Variants in TESC observed in about 807,000 individuals in gnomAD.
TESC encodes calcineurin B homologous protein 3.
Under a neutral mutation model 31.0 loss-of-function variants are expected in TESC, and 19 were observed. The ratio of observed to expected loss-of-function variants is 0.61; its 90% CI spans 0.43 to 0.90. TESC has a LOEUF of 0.90. Ranked by LOEUF, TESC falls within the 40% of genes least tolerant of loss-of-function variation. TESC has a pLI of 0.00. For missense variants in TESC, 248 were observed against 303.8 expected (o/e 0.82, Z 1.36); for synonymous variants, 109 against 114.8 (o/e 0.95, Z 0.32).
At chr12:117,042,276 T>TCCCTC (rs1385832409) in intron 6 of TESC, among the ~76,000 whole-genome samples, 8 of 151,684 alleles carry the variant, frequency 5.3e-5, no homozygotes, top group Non-Finnish European at 1.2e-4. Flanking sequence ...CAGAGCAGCC[T>TCCCTC]CCCTCCCCTC....
chr12:117,083,563 A>T (rs7316090), intron 1 of TESC, among the ~76,000 whole-genome samples: 22,802 of 152,294 alleles, frequency 0.15, 1,863 homozygotes, highest in Middle Eastern at 0.21. Flanking sequence ...CAGCAAAAAA[A>T]GAAATGAAGC....
intron 1 of TESC, among the ~76,000 whole-genome samples, chr12:117,080,411 TGA>T (rs992435610): frequency 6.6e-6 from 1 of 152,060 alleles, no homozygotes; most frequent in African/African-American, 2.4e-5. Flanking sequence ...GAGGTTGCAG[TGA>T]GCCCAGATCG....
intron 2 of TESC, among the ~76,000 whole-genome samples, chr12:117,071,366 G>C (rs1439103683): frequency 1.3e-5 from 2 of 152,242 alleles, no homozygotes; most frequent in Non-Finnish European, 2.9e-5. Context: ...CTGCTGGGGT[G>C]AGGGGATGTG....
chr12:117,095,129 C>T (rs1312232320), intron 1 of TESC, among the ~76,000 whole-genome samples: 1 of 151,904 alleles, frequency 6.6e-6, no homozygotes, highest in Non-Finnish European at 1.5e-5. Flanking sequence ...GGCTGGAGTA[C>T]AGTGGCATGC....
At chr12:117,083,250 T>C (rs1955172928) in intron 1 of TESC, among the ~76,000 whole-genome samples, 1 of 152,212 alleles carries the variant, frequency 6.6e-6, no homozygotes, top group South Asian at 2.1e-4. Context: ...GGCTAATTTC[T>C]ATATTTTTAG....
rs183606611 is a variant in TESC, at chr12:117,046,680, C to A, written c.412-14G>T. ...CTCCTCGACCACCTGCCAGGTGGGGCGGAAACAAACGGTGACCTTGGGCCT... is the reference window on the plus strand; with the variant it reads ...CTCCTCGACCACCTGCCAGGTGGGGAGGAAACAAACGGTGACCTTGGGCCT... On this transcript the variant is annotated splice_polypyrimidine_tract_variant and intron_variant, in intron 5 of 7. Transcript: ENST00000335209. 2,233 of 1,552,018 alleles carry A rather than the reference C, an allele frequency of 1.4e-3. 4 individuals are homozygous for A. Among genetic ancestry groups the A allele is most frequent in the Non-Finnish European group, 1.5e-3 (1,778 of 1,147,114 alleles).
At chr12:117,039,976 G>C (rs1047650258) in intron 7 of TESC, among the ~76,000 whole-genome samples, 1 of 152,252 alleles carries the variant, frequency 6.6e-6, no homozygotes, top group Admixed American at 6.5e-5. Context: ...GGTAGGATGG[G>C]GGGGTGCCAA....
intron 1 of TESC, among the ~76,000 whole-genome samples, chr12:117,082,595 C>A (rs1398789708): frequency 2.0e-5 from 3 of 152,016 alleles, no homozygotes; most frequent in Admixed American, 1.3e-4. Flanking sequence ...TACTACACAG[C>A]CTTTATAAAT....
At chr12:117,063,213 C>T (rs189506167) in intron 2 of TESC, among the ~76,000 whole-genome samples, 60 of 152,292 alleles carry the variant, frequency 3.9e-4, no homozygotes, top group Admixed American at 2.5e-3. Context: ...AGAGTTGGCG[C>T]GGGACTCCAG....
chr12:117,093,837 T>A (rs1228014774), intron 1 of TESC, among the ~76,000 whole-genome samples: 1 of 151,616 alleles, frequency 6.6e-6, no homozygotes, highest in Admixed American at 6.6e-5. Flanking sequence ...AACATAGACA[T>A]GCCTGAAGAG....
chr12:117,043,530 GCTCA>G (rs1482038958), intron 6 of TESC, among the ~76,000 whole-genome samples: 1 of 152,156 alleles, frequency 6.6e-6, no homozygotes, highest in African/African-American at 2.4e-5. Flanking sequence ...CGCGATCTTG[GCTCA>G]CTGTGACCTC....
chr12:117,048,053 T>C (rs1954594058), intron 4 of TESC, among the ~76,000 whole-genome samples: 2 of 152,164 alleles, frequency 1.3e-5, no homozygotes, highest in Admixed American at 1.3e-4. Flanking sequence ...TGGCATTTAC[T>C]GAACACTGAC....
chr12:117,097,203 A>C (rs1463086245), intron 1 of TESC, among the ~76,000 whole-genome samples: 1 of 152,098 alleles, frequency 6.6e-6, no homozygotes, highest in Non-Finnish European at 1.5e-5. Context: ...CCACCTGCCT[A>C]CTCTAGTCTA....
Position 117,097,480 on chromosome 12 carries a change from G to A in TESC, c.58+1745C>T, listed in dbSNP as rs575984140. 6.6e-5 allele frequency among the ~76,000 whole-genome samples: 10 copies of A among 152,244 alleles called. No homozygotes were observed. In the South Asian group the frequency reaches 2.1e-3, roughly 32 times the overall value. The stretch of plus-strand genomic sequence containing the variant: ...CCGGAGAGCCCACCCTTCCAACGGG[G>A]ATCCCAGCCACAGAGAATGCCCATC... On this transcript the variant is annotated intron_variant, in intron 1 of 7. Transcript: ENST00000335209.
At chr12:117,049,179 G>T (rs750698318) in intron 3 of TESC, 21 bp from the exon 4 acceptor site, 1 of 1,613,988 alleles carries the variant, frequency 6.2e-7, no homozygotes, top group Non-Finnish European at 8.5e-7. Flanking sequence ...AACAAGGAGG[G>T]TGTTGGAAAT....
chr12:117,084,387 G>A (rs1955188779), intron 1 of TESC, among the ~76,000 whole-genome samples: 2 of 152,210 alleles, frequency 1.3e-5, no homozygotes, highest in Non-Finnish European at 2.9e-5. Flanking sequence ...CGAAGGGGCT[G>A]CCACCGTTCC....
chr12:117,088,234 G>T (rs1183752421), intron 1 of TESC, among the ~76,000 whole-genome samples: 5 of 152,062 alleles, frequency 3.3e-5, no homozygotes, highest in Non-Finnish European at 7.4e-5. Flanking sequence ...TGATGAAGGG[G>T]GAAAAAAGCA....
chr12:117,056,399 G>T (rs1200166618), intron 3 of TESC, among the ~76,000 whole-genome samples: 1 of 137,184 alleles, frequency 7.3e-6, no homozygotes, highest in African/African-American at 3.1e-5. Flanking sequence ...TAGAAACAGG[G>T]TCTCACTCTG....
At chr12:117,049,333 G>C (rs2135752816) in intron 3 of TESC, among the ~76,000 whole-genome samples, 175 bp from the exon 4 acceptor site, 1 of 152,348 alleles carries the variant, frequency 6.6e-6, no homozygotes, top group East Asian at 1.9e-4. Context: ...GCAGGCTCCG[G>C]AAGCTGAAAG....
Sources: allele counts gnomAD v4.1 joint callset (sites outside exome capture counted in the v4.1 genomes callset), GRCh38; gene constraint gnomAD v4.1.1; transcripts MANE v1.5; gene names NCBI Gene and HGNC (gene_info 2026-07-23, HGNC 2026-07-21).